Variants in VWA8 observed in about 807,000 individuals in gnomAD.
VWA8 encodes the protein von Willebrand factor A domain-containing protein 8.
VWA8 carries 221 observed loss-of-function variants against 241.5 expected under a neutral mutation model. The observed-to-expected ratio is 0.91, with a 90% CI of 0.82 to 1.02. The LOEUF (loss-of-function observed/expected upper bound fraction) is 1.02. Ranked by LOEUF, VWA8 falls within the 50% of genes least tolerant of loss-of-function variation. The pLI is 0.00. For synonymous variants in VWA8, 852 were observed against 827.1 expected (o/e 1.03, Z -0.52); for missense variants, 2,322 against 2,328.7 (o/e 1.00, Z 0.06).
intron 37 of VWA8, among the ~76,000 whole-genome samples, chr13:41,652,622 A>C (rs2139688963): frequency 6.6e-6 from 1 of 152,342 alleles, no homozygotes; most frequent in East Asian, 1.9e-4. Flanking sequence ...TTTTATAAAA[A>C]AAAAGAAATT....
chr13:41,727,111 G>C, intron 24 of VWA8, 83 bp downstream of exon 24: 1 of 1,078,558 alleles, frequency 9.3e-7, no homozygotes, highest in Admixed American at 2.8e-5. Flanking sequence ...CACATGATAA[G>C]CATTCAATGA....
At chr13:41,802,541 C>T (rs1870007066) in intron 17 of VWA8, among the ~76,000 whole-genome samples, 2 of 152,214 alleles carry the variant, frequency 1.3e-5, no homozygotes, top group Admixed American at 1.3e-4. Flanking sequence ...ACTGTCCCTT[C>T]CTCAACTCCA....
At chr13:41,860,608 A>G (rs1872962389) in intron 12 of VWA8, among the ~76,000 whole-genome samples, 1 of 152,214 alleles carries the variant, frequency 6.6e-6, no homozygotes, top group Non-Finnish European at 1.5e-5. Context: ...GAAAAACATT[A>G]AAATAAAATA....
chr13:41,680,806 A>G (rs2045093616), intron 35 of VWA8, among the ~76,000 whole-genome samples: 1 of 152,218 alleles, frequency 6.6e-6, no homozygotes, highest in Non-Finnish European at 1.5e-5. Context: ...TCATAGCACC[A>G]TTATTTGTAA....
At chr13:41,755,352 T>C (rs939366878) in intron 21 of VWA8, among the ~76,000 whole-genome samples, 2 of 152,044 alleles carry the variant, frequency 1.3e-5, no homozygotes, top group African/African-American at 4.8e-5. Context: ...ACTTTTCACT[T>C]CCAACTTTAC....
At chr13:41,745,556 C>T (rs540886170) in intron 21 of VWA8, among the ~76,000 whole-genome samples, 1 of 152,288 alleles carries the variant, frequency 6.6e-6, no homozygotes, top group Non-Finnish European at 1.5e-5. Context: ...AGGATATGAA[C>T]AGACACTTCT....
At chr13:41,906,860 G>A (rs1875745680) in intron 4 of VWA8, among the ~76,000 whole-genome samples, 1 of 152,028 alleles carries the variant, frequency 6.6e-6, no homozygotes, top group Non-Finnish European at 1.5e-5. Flanking sequence ...CTGGACATTA[G>A]CAAATTCTTT....
chr13:41,838,352 A>G (rs1372997203), intron 12 of VWA8, among the ~76,000 whole-genome samples: 1 of 152,182 alleles, frequency 6.6e-6, no homozygotes, highest in Non-Finnish European at 1.5e-5. Context: ...TGAAAATATT[A>G]TAGTACATTG....
chr13:41,910,499 A>G (rs1875939418), intron 3 of VWA8, among the ~76,000 whole-genome samples: 1 of 151,612 alleles, frequency 6.6e-6, no homozygotes, highest in Non-Finnish European at 1.5e-5. Flanking sequence ...CAGGAGAATC[A>G]CTTGAACCCA....
At chr13:41,860,410 C>T (rs1352801334) in intron 12 of VWA8, among the ~76,000 whole-genome samples, 1 of 152,068 alleles carries the variant, frequency 6.6e-6, no homozygotes, top group Non-Finnish European at 1.5e-5. Flanking sequence ...CAATTATCAT[C>T]ATCTGTATTT....
At chr13:41,786,523 C>T (rs982882669) in intron 18 of VWA8, among the ~76,000 whole-genome samples, 3 of 152,128 alleles carry the variant, frequency 2.0e-5, no homozygotes, top group African/African-American at 7.2e-5. Flanking sequence ...CAAGACCAAA[C>T]AATCGGCAGT....
chr13:41,865,356 AC>A, intron 12 of VWA8: 1 of 374,270 alleles, frequency 2.7e-6, no homozygotes, highest in South Asian at 2.0e-5. Context: ...TTTAAAATAT[AC>A]AATAGATTAT....
intron 42 of VWA8, among the ~76,000 whole-genome samples, chr13:41,577,131 G>A (rs752640634): frequency 5.3e-5 from 8 of 152,226 alleles, no homozygotes; most frequent in Admixed American, 1.3e-4. Flanking sequence ...CCAGGTACCA[G>A]GAGCATGATC....
intron 35 of VWA8, among the ~76,000 whole-genome samples, chr13:41,680,244 G>T (rs905222496): frequency 2.0e-5 from 3 of 152,104 alleles, no homozygotes; most frequent in Middle Eastern, 3.4e-3. Context: ...TATTCCCAAG[G>T]TTCCCTAATT....
At chr13:41,892,338 G>A (rs1426801015) in intron 4 of VWA8, among the ~76,000 whole-genome samples, 1 of 150,110 alleles carries the variant, frequency 6.7e-6, no homozygotes, top group Non-Finnish European at 1.5e-5. Flanking sequence ...GCTAAAAAAG[G>A]AAAACCTGTC....
intron 42 of VWA8, among the ~76,000 whole-genome samples, chr13:41,579,378 T>C (rs1287021240): frequency 7.2e-5 from 11 of 152,218 alleles, no homozygotes; most frequent in Non-Finnish European, 5.9e-5. Flanking sequence ...ACCTATAGCA[T>C]TAGCTGGCTA....
intron 2 of VWA8, among the ~76,000 whole-genome samples, chr13:41,935,491 T>C (rs1367629674): frequency 1.3e-5 from 2 of 152,146 alleles, no homozygotes; most frequent in Non-Finnish European, 2.9e-5. Flanking sequence ...TTAGAACTTA[T>C]AATAGATGTA....
chr13:41,712,111 C>A (rs543260099), intron 26 of VWA8, among the ~76,000 whole-genome samples: 1 of 151,818 alleles, frequency 6.6e-6, no homozygotes, highest in Admixed American at 6.6e-5. Context: ...GTGGGAGGGG[C>A]TTATGAAGAG....
chr13:41,714,224 A>G (rs1407694147), intron 26 of VWA8, among the ~76,000 whole-genome samples: 1 of 151,898 alleles, frequency 6.6e-6, no homozygotes, highest in South Asian at 2.1e-4. Flanking sequence ...TTTCTATTTG[A>G]CTGATAGAAA....
Sources: gnomAD v4.1 joint callset for allele counts (sites outside exome capture counted in the v4.1 genomes callset) on GRCh38, gnomAD v4.1.1 for gene constraint, MANE v1.5 for transcripts, NCBI Gene and HGNC (gene_info 2026-07-23, HGNC 2026-07-21) for gene names.